Variants in PPP3R1 observed in about 807,000 individuals in gnomAD.
PPP3R1 encodes the protein protein phosphatase 3 regulatory subunit B, alpha, also known as calcineurin subunit B type 1.
In PPP3R1, 5 loss-of-function variants were observed where a neutral mutation model predicts 22.6. The ratio of observed to expected loss-of-function variants is 0.22; its 90% CI spans 0.12 to 0.46. The LOEUF is 0.46. PPP3R1 is among the 20% of genes least tolerant of loss of function. PPP3R1 has a pLI of 0.99. For synonymous variants in PPP3R1, 56 were observed against 65.2 expected, an observed-to-expected ratio of 0.86 and a Z score of 0.68; for missense variants, 61 against 203.2, an observed-to-expected ratio of 0.30 and a Z score of 4.25.
intron 1 of PPP3R1, among the ~76,000 whole-genome samples, chr2:68,228,249 T>C (rs996423647): frequency 5.3e-5 from 8 of 152,184 alleles, no homozygotes; most frequent in African/African-American, 1.9e-4. Context: ...CATAACTGAT[T>C]ATGGTGTATA....
At chr2:68,186,693 A>T in intron 4 of PPP3R1, 41 bp from the exon 5 acceptor site, 1 of 1,490,094 alleles carries the variant, frequency 6.7e-7, no homozygotes, top group Non-Finnish European at 9.2e-7. Context: ...TTACAAAGCA[A>T]TCACAAGTAA....
chr2:68,188,441 T>C, intron 3 of PPP3R1, 73 bp downstream of exon 3: 1 of 1,270,196 alleles, frequency 7.9e-7, no homozygotes, highest in South Asian at 1.8e-5. Flanking sequence ...CTTTTTTTTT[T>C]TTTTTACACA....
intron 1 of PPP3R1, among the ~76,000 whole-genome samples, chr2:68,229,270 C>G (rs902889849): frequency 3.3e-5 from 5 of 152,148 alleles, no homozygotes; most frequent in Admixed American, 3.3e-4. Context: ...CCTTAGCCAC[C>G]CCAAGCATTT....
chr2:68,203,957 G>T (rs1439150608), intron 2 of PPP3R1, among the ~76,000 whole-genome samples: 1 of 152,142 alleles, frequency 6.6e-6, no homozygotes, highest in Non-Finnish European at 1.5e-5. Context: ...TTAGATAAAA[G>T]ATTTAATCTT....
chr2:68,211,116 C>T (rs1010126382), intron 2 of PPP3R1, among the ~76,000 whole-genome samples: 5 of 152,054 alleles, frequency 3.3e-5, no homozygotes, highest in Non-Finnish European at 7.4e-5. Flanking sequence ...TTTAAAAATA[C>T]TCCATTGCGG....
intron 1 of PPP3R1, among the ~76,000 whole-genome samples, chr2:68,230,441 C>T (rs12468533): frequency 0.75 from 113,304 of 151,056 alleles, 43,225 homozygotes; most frequent in African/African-American, 0.93. Context: ...TTCACAATCT[C>T]ATTGGTATCA....
intron 1 of PPP3R1, among the ~76,000 whole-genome samples, chr2:68,234,470 C>T (rs1669978101): frequency 6.6e-6 from 1 of 152,194 alleles, no homozygotes; most frequent in Non-Finnish European, 1.5e-5. Flanking sequence ...AAGCCGCAGC[C>T]ATTCTGTATT....
intron 1 of PPP3R1, among the ~76,000 whole-genome samples, chr2:68,243,999 C>G (rs1292484775): frequency 6.6e-6 from 1 of 152,066 alleles, no homozygotes; most frequent in Non-Finnish European, 1.5e-5. Flanking sequence ...CCAGGGAAGA[C>G]TTACTTTCCA....
At chr2:68,191,321 T>G (rs1260856440) in intron 2 of PPP3R1, among the ~76,000 whole-genome samples, 1 of 152,224 alleles carries the variant, frequency 6.6e-6, no homozygotes, top group Admixed American at 6.5e-5. Context: ...CTTACTGTAC[T>G]GAATACTGTA....
intron 1 of PPP3R1, among the ~76,000 whole-genome samples, chr2:68,220,012 C>T (rs939356994): frequency 6.6e-6 from 1 of 151,500 alleles, no homozygotes; most frequent in African/African-American, 2.4e-5. Context: ...ATATGAACCA[C>T]TTGACCAGTG....
chr2:68,186,735 G>C (rs1001326483), intron 4 of PPP3R1, 83 bp from the exon 5 acceptor site: 6 of 1,207,160 alleles, frequency 5.0e-6, no homozygotes, highest in African/African-American at 3.1e-5. Flanking sequence ...ATAGTAAACT[G>C]ACAAACATCA....
At chr2:68,218,683 A>T (rs560039639) in intron 1 of PPP3R1, among the ~76,000 whole-genome samples, 2 of 150,262 alleles carry the variant, frequency 1.3e-5, no homozygotes, top group South Asian at 4.2e-4. Context: ...GACTCTCAAG[A>T]GCATACCGGT....
At chr2:68,216,589 C>T (rs1194287046) in intron 2 of PPP3R1, among the ~76,000 whole-genome samples, 3 of 152,154 alleles carry the variant, frequency 2.0e-5, no homozygotes, top group Admixed American at 2.0e-4. Flanking sequence ...CTAGCTCTGG[C>T]CCATAAATAT....
At chr2:68,240,862 T>C (rs1458646829) in intron 1 of PPP3R1, among the ~76,000 whole-genome samples, 3 of 152,148 alleles carry the variant, frequency 2.0e-5, no homozygotes, top group Admixed American at 1.3e-4. Flanking sequence ...AATACAATCA[T>C]ATTTGAGAGA....
intron 2 of PPP3R1, among the ~76,000 whole-genome samples, chr2:68,207,081 C>T (rs1386460337): frequency 2.0e-5 from 3 of 146,438 alleles, no homozygotes; most frequent in Non-Finnish European, 4.5e-5. Flanking sequence ...CTAAGCTCTT[C>T]CAATAGTAAA....
At chr2:68,243,823 T>C (rs6758120) in intron 1 of PPP3R1, among the ~76,000 whole-genome samples, 368 of 152,224 alleles carry the variant, frequency 2.4e-3, no homozygotes, top group Non-Finnish European at 3.9e-3. Context: ...TTGTAATAAG[T>C]AGCGTATCAT....
At chr2:68,239,155 A>G (rs1670072265) in intron 1 of PPP3R1, among the ~76,000 whole-genome samples, 1 of 152,214 alleles carries the variant, frequency 6.6e-6, no homozygotes, top group South Asian at 2.1e-4. Context: ...TAAATAGCCA[A>G]TATGAGTCAA....
chr2:68,212,368 A>G (rs907639743), intron 2 of PPP3R1, among the ~76,000 whole-genome samples: 1 of 152,220 alleles, frequency 6.6e-6, no homozygotes, highest in Non-Finnish European at 1.5e-5. Context: ...GGTGTGAGCC[A>G]CTGTGCCTGG....
chr2:68,182,599 T>G (rs769451077), intron 5 of PPP3R1, among the ~76,000 whole-genome samples: 3 of 150,990 alleles, frequency 2.0e-5, no homozygotes, highest in Non-Finnish European at 2.9e-5. Context: ...GCAGATCACT[T>G]GAGGTCAGGA....
Sources: gnomAD v4.1 joint callset for allele counts (sites outside exome capture counted in the v4.1 genomes callset) on GRCh38, gnomAD v4.1.1 for gene constraint, MANE v1.5 for transcripts, NCBI Gene and HGNC (gene_info 2026-07-23, HGNC 2026-07-21) for gene names.